NISCH: variants seen among roughly 807,000 people sequenced by gnomAD.
NISCH encodes nischarin, also known as I-1 receptor candidate protein.
Under a neutral mutation model 138.4 loss-of-function variants are expected in NISCH, and 55 were observed. The observed-to-expected ratio is 0.40, with a 90% CI of 0.32 to 0.50. The LOEUF is 0.50. Ranked by LOEUF, NISCH falls within the 20% of genes least tolerant of loss-of-function variation. The pLI is 0.71. For missense variants in NISCH, 1,643 were observed against 2,005.5 expected, an observed-to-expected ratio of 0.82 and a Z score of 3.45; for synonymous variants, 860 against 861.5, an observed-to-expected ratio of 1.00 and a Z score of 0.03.
At chr3:52,478,420 C>T in intron 10 of NISCH, 29 bp from the exon 11 acceptor site, 3 of 1,614,054 alleles carry the variant, frequency 1.9e-6, no homozygotes, top group Non-Finnish European at 2.5e-6. Flanking sequence ...AGAGAAGGGA[C>T]CAAAGGGGAT....
intron 4 of NISCH, 35 bp downstream of exon 4, chr3:52,470,942 A>C: frequency 6.2e-7 from 1 of 1,611,380 alleles, no homozygotes; most frequent in Non-Finnish European, 8.5e-7. Flanking sequence ...TACTGAGCAT[A>C]AGTTGTGTAG....
intron 15 of NISCH, 52 bp downstream of exon 15, chr3:52,485,879 C>T: frequency 6.5e-7 from 1 of 1,532,202 alleles, no homozygotes; most frequent in Non-Finnish European, 8.9e-7. Flanking sequence ...GCCTTATGCA[C>T]ACACACTGCT....
chr3:52,474,964 T>C (rs1331365785), intron 7 of NISCH, among the ~76,000 whole-genome samples: 1 of 152,230 alleles, frequency 6.6e-6, no homozygotes, highest in Non-Finnish European at 1.5e-5. Flanking sequence ...TGTTTCTGTT[T>C]ACCTTTTTAT....
intron 12 of NISCH, 160 bp from the exon 13 acceptor site, chr3:52,480,024 G>A: frequency 1.0e-6 from 1 of 965,300 alleles, no homozygotes; most frequent in Non-Finnish European, 1.6e-6. Flanking sequence ...TCTGTTCTCT[G>A]TGGGGTGGGG....
intron 3 of NISCH, chr3:52,470,448 T>G: frequency 5.6e-6 from 1 of 178,674 alleles, no homozygotes; most frequent in Non-Finnish European, 1.2e-5. Context: ...CCCACCAGGG[T>G]GATAAGAGCC....
In NISCH at chr3:52,487,070, G is replaced by T; in HGVS notation, c.1704-126G>T. The T allele has an allele frequency of 4.6e-6, 5 of 1,078,026 alleles. No homozygotes were observed. Among genetic ancestry groups the T allele is most frequent in the South Asian group, 1.6e-5 (1 of 63,594 alleles). The allele number at this position is 1,078,026 out of a possible 1,614,324, so 66.8% of individuals were successfully genotyped here. A position where few individuals can be genotyped will look rare whatever the true frequency, so the allele number is the denominator to read the frequency against. On this transcript the variant is annotated intron_variant, in intron 15 of 20. Transcript: ENST00000345716. This position sits in a 1 kb window ranked among gnomAD's most constrained non-coding sequence, Gnocchi z 9.1. Reference sequence around the variant, plus strand: ...CCTGGGAACTGACTTGGCCATGTGGGAGGCTTGGGAGACCCATGGGTTGGT... The same window carrying T: ...CCTGGGAACTGACTTGGCCATGTGGTAGGCTTGGGAGACCCATGGGTTGGT...
intron 3 of NISCH, among the ~76,000 whole-genome samples, chr3:52,461,768 C>T (rs1319060043): frequency 1.3e-5 from 2 of 149,656 alleles, no homozygotes; most frequent in Non-Finnish European, 3.0e-5. Context: ...GAGGCTGAGG[C>T]AGGAGAATGG....
chr3:52,490,595 G>C, intron 18 of NISCH, 110 bp from the exon 19 acceptor site: 1 of 1,471,228 alleles, frequency 6.8e-7, no homozygotes, highest in Non-Finnish European at 9.4e-7. Flanking sequence ...CTTTGCACGG[G>C]TGGAAGCCAG....
intron 3 of NISCH, 46 bp downstream of exon 3, chr3:52,458,890 T>A: frequency 1.3e-6 from 2 of 1,529,760 alleles, no homozygotes; most frequent in Non-Finnish European, 1.8e-6. Context: ...AACCCACAAC[T>A]GCCAAACTTG....
At chr3:52,462,420 GC>G (rs1559623540) in intron 3 of NISCH, among the ~76,000 whole-genome samples, 1 of 152,098 alleles carries the variant, frequency 6.6e-6, no homozygotes, top group Admixed American at 6.5e-5. Context: ...GGGCAAAATT[GC>G]CCCCCACTTG....
chr3:52,458,048 C>T, intron 2 of NISCH, 122 bp downstream of exon 2: 1 of 685,956 alleles, frequency 1.5e-6, no homozygotes, highest in East Asian at 2.6e-5. Flanking sequence ...CTTTAATAAA[C>T]CACTTTGTTA....
Position 52,478,514 on chromosome 3 carries a change from T to C in NISCH, c.1239T>C (p.Pro413=), listed in dbSNP as rs929965609. The change falls in exon 11 of 21, where the codon CCT becomes CCC. Residue 413 remains proline, a synonymous_variant. Transcript: ENST00000345716. ...CLEHVSLLNN[P]LSIIPDYRTK... ...AGCACGTGTCTCTGCTGAACAACCCTCTGAGCATCATCCCCGACTACCGGA... is the reference window on the plus strand; with the variant it reads ...AGCACGTGTCTCTGCTGAACAACCCCCTGAGCATCATCCCCGACTACCGGA... The C allele has an allele frequency of 1.2e-6, 2 of 1,614,172 alleles. No individual in the cohort carries two copies. Among genetic ancestry groups the C allele is most frequent in the African/African-American group, 1.3e-5 (1 of 75,038 alleles).
rs1003541731 is a variant in NISCH at position 52,489,566 on chromosome 3, C to T, written c.3344C>T (p.Thr1115Ile). The T allele has an allele frequency of 1.2e-6, 2 of 1,613,172 alleles. No homozygotes were observed. The highest frequency in any genetic ancestry group is 1.7e-5 in the Admixed American group (1 of 60,018). The change falls in exon 17 of 21, where the codon ACC becomes ATC. Residue 1115 changes from threonine to isoleucine, a missense_variant. Coordinates refer to ENST00000345716, the MANE Select transcript of NISCH (RefSeq NM_007184.4). Reference protein sequence around the residue: ...QYPSEHLIQATSEENQIPSHL... With the variant: ...QYPSEHLIQAISEENQIPSHL... ...CCGAGTGAGCACCTCATCCAGGCCA[C>T]CTCGGAGGAGAATCAGATCCCCTCG...
chr3:52,464,888 G>C (rs1261177505), intron 3 of NISCH, among the ~76,000 whole-genome samples: 1 of 152,066 alleles, frequency 6.6e-6, no homozygotes, highest in Non-Finnish European at 1.5e-5. Flanking sequence ...GGCTGGTCTC[G>C]AACTCCTGAC....
chr3:52,462,426 C>A (rs1446820477), intron 3 of NISCH, among the ~76,000 whole-genome samples: 1 of 152,204 alleles, frequency 6.6e-6, no homozygotes, highest in East Asian at 1.9e-4. Flanking sequence ...AATTGCCCCC[C>A]ACTTGAAAAC....
chr3:52,458,916 G>T, intron 3 of NISCH, 72 bp downstream of exon 3: 2 of 1,380,770 alleles, frequency 1.4e-6, no homozygotes, highest in African/African-American at 2.9e-5. Flanking sequence ...GCAAACCAGG[G>T]GAGACCTCAG....
chr3:52,474,874 G>A (rs1168857628), intron 7 of NISCH, among the ~76,000 whole-genome samples: 1 of 152,096 alleles, frequency 6.6e-6, no homozygotes, highest in African/African-American at 2.4e-5. Context: ...TTTTCCCCAC[G>A]GCTTGATTAG....
chr3:52,486,115 T>A (rs1480925106), intron 15 of NISCH, among the ~76,000 whole-genome samples: 1 of 152,198 alleles, frequency 6.6e-6, no homozygotes, highest in Non-Finnish European at 1.5e-5. Flanking sequence ...GTTACATTCT[T>A]TTTTCTTTTT....
intron 13 of NISCH, among the ~76,000 whole-genome samples, chr3:52,483,209 G>A (rs1012440806): frequency 3.3e-5 from 5 of 152,186 alleles, no homozygotes; most frequent in Non-Finnish European, 7.3e-5. Context: ...TTTGAGCTTG[G>A]GCCCACCTGC....
Sources: allele counts gnomAD v4.1 joint callset (sites outside exome capture counted in the v4.1 genomes callset), GRCh38; gene constraint gnomAD v4.1.1; non-coding constraint Gnocchi (gnomAD v3.1); transcripts MANE v1.5; gene names NCBI Gene and HGNC (gene_info 2026-07-23, HGNC 2026-07-21).